PCDHGA2: variants seen among roughly 807,000 people sequenced by gnomAD.
PCDHGA2 encodes the protein protocadherin gamma subfamily A, 2, also known as protocadherin gamma-A2.
A neutral mutation model predicts 59.2 loss-of-function variants in PCDHGA2; 40 were observed. The ratio of observed to expected loss-of-function variants is 0.68; its 90% CI spans 0.52 to 0.88. The LOEUF (loss-of-function observed/expected upper bound fraction) is 0.88. PCDHGA2 is among the 40% of genes least tolerant of loss of function. PCDHGA2 has a pLI of 0.00. For missense variants in PCDHGA2, 1,226 were observed against 1,204.0 expected, an observed-to-expected ratio of 1.02 and a Z score of -0.27; for synonymous variants, 560 against 526.0, an observed-to-expected ratio of 1.06 and a Z score of -0.89.
At chr5:141,390,596 C>T (rs2092187528) in intron 1 of PCDHGA2, 1 of 329,834 alleles carries the variant, frequency 3.0e-6, no homozygotes. Context: ...GAGATTTTTC[C>T]TATACATTTT....
chr5:141,398,663 C>T (rs2150753348), intron 1 of PCDHGA2: 2 of 1,614,016 alleles, frequency 1.2e-6, no homozygotes, highest in Non-Finnish European at 1.7e-6. Context: ...CCAAGTTTCT[C>T]ATTAATAATT....
intron 1 of PCDHGA2, chr5:141,355,776 A>T: frequency 6.2e-7 from 1 of 1,613,874 alleles, no homozygotes; most frequent in Non-Finnish European, 8.5e-7. Flanking sequence ...TTAAGTACCC[A>T]GAGCTGGTGC....
intron 1 of PCDHGA2, chr5:141,384,992 C>A (rs536147893): frequency 6.2e-7 from 1 of 1,614,146 alleles, no homozygotes; most frequent in Admixed American, 1.7e-5. Context: ...GTGGCGGTGG[C>A]CACAGTCTCC....
intron 2 of PCDHGA2, among the ~76,000 whole-genome samples, chr5:141,503,994 A>C (rs1330628079): frequency 6.6e-6 from 1 of 152,158 alleles, no homozygotes; most frequent in Non-Finnish European, 1.5e-5. Context: ...CTTACCTTAC[A>C]GTCACTTAAC....
At chr5:141,423,669 T>C in intron 1 of PCDHGA2, 1 of 1,554,480 alleles carries the variant, frequency 6.4e-7, no homozygotes, top group Non-Finnish European at 8.7e-7. Flanking sequence ...AGGTGAGATT[T>C]ATTTCTCTGC....
intron 1 of PCDHGA2, among the ~76,000 whole-genome samples, chr5:141,444,150 GGA>G (rs1471930589): frequency 1.6e-4 from 18 of 114,012 alleles, no homozygotes; most frequent in Non-Finnish European, 2.3e-4. Context: ...TGTGTGTACT[GGA>G]TTTTTTTTTT....
chr5:141,431,702 T>C lies in PCDHGA2; in HGVS notation c.2425-63105T>C, dbSNP rs1349630251. The C allele has an allele frequency of 5.6e-6, 9 of 1,614,110 alleles. No individual in the cohort carries two copies. In the East Asian group the frequency reaches 8.9e-5, roughly 16 times the overall value. Reference sequence around the variant, plus strand: ...GTTGGACCACGAGGAGTCAGGATTCTACCAGATGGAAGTGCAAGCAATGGA... The same window carrying C: ...GTTGGACCACGAGGAGTCAGGATTCCACCAGATGGAAGTGCAAGCAATGGA... On this transcript the variant is annotated intron_variant, in intron 1 of 3. Transcript: ENST00000394576. This position sits in a 1 kb window ranked among gnomAD's most constrained non-coding sequence, Gnocchi z 4.8.
intron 2 of PCDHGA2, among the ~76,000 whole-genome samples, chr5:141,496,748 C>T (rs1382244657): frequency 6.6e-6 from 1 of 152,130 alleles, no homozygotes; most frequent in African/African-American, 2.4e-5. Flanking sequence ...ATTTATTCAA[C>T]AAATATTTAT....
At chr5:141,406,070 T>A (rs1451280596) in intron 1 of PCDHGA2, among the ~76,000 whole-genome samples, 1 of 136,270 alleles carries the variant, frequency 7.3e-6, no homozygotes, top group Admixed American at 7.2e-5. Flanking sequence ...AAATTCTTAC[T>A]CCTTTTTTTT....
chr5:141,465,501 C>T (rs1044567555), intron 1 of PCDHGA2, among the ~76,000 whole-genome samples: 1 of 152,164 alleles, frequency 6.6e-6, no homozygotes, highest in Non-Finnish European at 1.5e-5. Context: ...GGAGCATTGT[C>T]GTGGTCAGGA....
At chr5:141,414,670 A>G in intron 1 of PCDHGA2, 1 of 1,613,894 alleles carries the variant, frequency 6.2e-7, no homozygotes. Context: ...GGCTGAAGAC[A>G]CCATCCAGGG....
At chr5:141,478,639 A>G (rs377308663) in intron 1 of PCDHGA2, 168 of 1,552,322 alleles carry the variant, frequency 1.1e-4, no homozygotes, top group Non-Finnish European at 1.0e-4. Context: ...TTAGTGATGA[A>G]GATGTTTTCC....
intron 1 of PCDHGA2, chr5:141,372,311 C>T (rs1768644192): frequency 1.2e-6 from 2 of 1,613,416 alleles, no homozygotes; most frequent in South Asian, 2.2e-5. Flanking sequence ...AGGCCGCCCG[C>T]CAGCGCCTGC....
At chr5:141,375,557 G>A in intron 1 of PCDHGA2, 1 of 1,613,988 alleles carries the variant, frequency 6.2e-7, no homozygotes, top group Non-Finnish European at 8.5e-7. Context: ...CTACTCACTG[G>A]CAGAAGACAC....
intron 1 of PCDHGA2, chr5:141,382,870 C>A (rs760530453): frequency 2.0e-6 from 3 of 1,519,788 alleles, no homozygotes; most frequent in East Asian, 4.5e-5. Flanking sequence ...TTCCCGAGAT[C>A]GGCGCCTAAG....
At chr5:141,377,773 A>G (rs987234769) in intron 1 of PCDHGA2, 4 of 152,220 alleles carry the variant, frequency 2.6e-5, no homozygotes, top group Admixed American at 6.5e-5. Flanking sequence ...TTTGGTGTTA[A>G]AAGACCTGAA....
chr5:141,419,065 C>G (rs763008753), intron 1 of PCDHGA2: 2 of 1,613,786 alleles, frequency 1.2e-6, no homozygotes, highest in South Asian at 2.2e-5. Context: ...ATAATTACTA[C>G]AAGCTAGTAA....
chr5:141,365,483 T>G, intron 1 of PCDHGA2: 1 of 1,614,018 alleles, frequency 6.2e-7, no homozygotes, highest in Non-Finnish European at 8.5e-7. Context: ...GATTGCATGC[T>G]CTATTCCTAG....
intron 1 of PCDHGA2, chr5:141,351,803 G>A: frequency 6.2e-7 from 1 of 1,613,322 alleles, no homozygotes; most frequent in Non-Finnish European, 8.5e-7. Context: ...CGCGCAGCGC[G>A]CCTTCGACCA....
Sources: allele counts gnomAD v4.1 joint callset (sites outside exome capture counted in the v4.1 genomes callset), GRCh38; gene constraint gnomAD v4.1.1; non-coding constraint Gnocchi (gnomAD v3.1); transcripts MANE v1.5; gene names NCBI Gene and HGNC (gene_info 2026-07-23, HGNC 2026-07-21).